RFC1: variants seen among roughly 807,000 people sequenced by gnomAD.
RFC1 encodes the protein replication factor C subunit 1, also known as A1 140 kDa subunit.
Under a neutral mutation model 137.4 loss-of-function variants are expected in RFC1, and 37 were observed. That is an observed-to-expected ratio of 0.27 (90% confidence interval 0.21 to 0.35). The LOEUF (loss-of-function observed/expected upper bound fraction) is 0.35. Ranked by LOEUF, RFC1 falls within the 10% of genes least tolerant of loss-of-function variation. RFC1 has a pLI of 1.00. For synonymous variants in RFC1, 429 were observed against 455.7 expected, an observed-to-expected ratio of 0.94 and a Z score of 0.75; for missense variants, 1,205 against 1,358.5, an observed-to-expected ratio of 0.89 and a Z score of 1.78.
intron 1 of RFC1, chr4:39,365,360 G>T: frequency 5.2e-5 from 33 of 632,034 alleles, no homozygotes; most frequent in Non-Finnish European, 6.5e-5. Context: ...ACCAATGATT[G>T]AAAAAAATTA....
chr4:39,352,449 C>G (rs1427956387), intron 1 of RFC1, among the ~76,000 whole-genome samples: 5 of 152,176 alleles, frequency 3.3e-5, no homozygotes, highest in Non-Finnish European at 7.3e-5. Flanking sequence ...TTTGCATAGT[C>G]TTCCCCACCT....
intron 14 of RFC1, among the ~76,000 whole-genome samples, chr4:39,305,975 T>C (rs547683293): frequency 6.6e-6 from 1 of 152,316 alleles, no homozygotes; most frequent in East Asian, 1.9e-4. Context: ...CAGCAGAGGA[T>C]TGAGAAATCC....
intron 1 of RFC1, among the ~76,000 whole-genome samples, chr4:39,361,384 TTCAA>T (rs911167647): frequency 7.2e-5 from 11 of 152,040 alleles, no homozygotes; most frequent in Admixed American, 2.6e-4. Context: ...GCGACTGCGT[TTCAA>T]TCAATCAATC....
chr4:39,308,250 C>G (rs1738784432), intron 13 of RFC1, among the ~76,000 whole-genome samples: 2 of 152,186 alleles, frequency 1.3e-5, no homozygotes, highest in Admixed American at 6.5e-5. Flanking sequence ...TCATCTCTCC[C>G]TCCCTTCACC....
chr4:39,289,411 CTGTACACAGCAGGCTGAT>C (rs1737544185), intron 24 of RFC1: 1 of 170,970 alleles, frequency 5.8e-6, no homozygotes, highest in Admixed American at 6.1e-5. Context: ...GCTCAGCCAG[CTGTACACAGCAGGCTGAT>C]ACCACAATTG....
rs138560030 is a variant in RFC1 at position 39,337,149 on chromosome 4, C to T, written c.331+5196G>A. 8.6e-3 allele frequency among the ~76,000 whole-genome samples: 1,303 copies of T among 152,116 alleles called. 25 individuals carry two copies. Among genetic ancestry groups the T allele is most frequent in the Admixed American group, 0.037 (558 of 15,270 alleles). ...CAGCACTTTGGGAGGCCGAGGCAGG[C>T]GGATCACCTGAGGTCGGGAGTTCGA... On this transcript the variant is annotated intron_variant, in intron 4 of 24. Transcript: ENST00000349703.
chr4:39,333,206 T>C (rs1740189704), intron 4 of RFC1, among the ~76,000 whole-genome samples: 1 of 152,188 alleles, frequency 6.6e-6, no homozygotes, highest in Non-Finnish European at 1.5e-5. Flanking sequence ...TATGACCCTA[T>C]GGGTAGCCAT....
Position 39,288,913 on chromosome 4 carries a change from A to G in RFC1, c.3361-69T>C, listed in dbSNP as rs1737515662. 16 of 980,262 alleles carry G rather than the reference A, an allele frequency of 1.6e-5. No homozygotes were observed. The South Asian group carries it at 2.0e-4, about 12-fold the overall frequency. The allele number at this position is 980,262 out of a possible 1,614,324, so 60.7% of individuals were successfully genotyped here. A position where few individuals can be genotyped will look rare whatever the true frequency, so the allele number is the denominator to read the frequency against. ...GAGTAAATGAAATAAGTTCATCTCT[A>G]TAACAAATCTAATCTTTACCTGCAA... is the stretch of plus-strand genomic sequence containing the variant. On this transcript the variant is annotated intron_variant, in intron 24 of 24. Coordinates refer to ENST00000349703, the MANE Select transcript of RFC1 (RefSeq NM_002913.5).
chr4:39,355,369 G>A (rs944034016), intron 1 of RFC1, among the ~76,000 whole-genome samples: 3 of 151,746 alleles, frequency 2.0e-5, no homozygotes, highest in Non-Finnish European at 4.4e-5. Flanking sequence ...GTTTGAGGCT[G>A]CAGTGAGCCA....
chr4:39,335,847 A>G lies in RFC1; in HGVS notation c.331+6498T>C, dbSNP rs183226987. Among the ~76,000 whole-genome samples, 273 of 152,340 alleles carry G rather than the reference A, an allele frequency of 1.8e-3. 2 individuals carry two copies. The highest frequency in any genetic ancestry group is 6.1e-3 in the African/African-American group (253 of 41,578). ...GCTGGTCTCAGTACGAAAGCCAAGT[A>G]TAAGTCATTTTGTATATTATTTTAT... On this transcript the variant is annotated intron_variant, in intron 4 of 24. Coordinates refer to ENST00000349703, the MANE Select transcript of RFC1 (RefSeq NM_002913.5).
intron 1 of RFC1, among the ~76,000 whole-genome samples, chr4:39,355,262 A>C (rs532873760): frequency 1.3e-5 from 2 of 151,544 alleles, no homozygotes; most frequent in South Asian, 2.1e-4. Context: ...CATCTCTACA[A>C]ATAAAAAAAA....
chr4:39,315,441 G>A (rs1275679234), intron 10 of RFC1, among the ~76,000 whole-genome samples: 1 of 152,152 alleles, frequency 6.6e-6, no homozygotes, highest in African/African-American at 2.4e-5. Flanking sequence ...TTCTTGTTCT[G>A]TACTAGTTTA....
chr4:39,350,969 T>C (rs1323766996), intron 2 of RFC1, among the ~76,000 whole-genome samples: 3 of 152,078 alleles, frequency 2.0e-5, no homozygotes, highest in Non-Finnish European at 4.4e-5. Flanking sequence ...ATGGAGTGAA[T>C]GGCTGGCACG....
chr4:39,311,089 C>T (rs1337062437), intron 12 of RFC1, among the ~76,000 whole-genome samples: 3 of 151,908 alleles, frequency 2.0e-5, no homozygotes, highest in Non-Finnish European at 4.4e-5. Context: ...TGCAGTGATC[C>T]GAGATCACAC....
rs17335306 is a variant in RFC1, at chr4:39,302,981, C to T, written c.2202+79G>A. 2,576 of 1,462,932 alleles carry T rather than the reference C, an allele frequency of 1.8e-3. 38 individuals are homozygous for T. In the African/African-American group the frequency reaches 0.03, roughly 17 times the overall value. The allele number at this position is 1,462,932 out of a possible 1,614,324, so 90.6% of individuals were successfully genotyped here. ...TCCTCAGCAACATGCCTTAACTGCC[C>T]TAAGTATGAGAGAATGACAATGTTC... is the stretch of plus-strand genomic sequence containing the variant. On this transcript the variant is annotated intron_variant, in intron 16 of 24. Coordinates refer to ENST00000349703, the MANE Select transcript of RFC1 (RefSeq NM_002913.5).
chr4:39,320,357 A>T (rs1444433985), intron 9 of RFC1, 26 bp downstream of exon 9: 1 of 1,452,262 alleles, frequency 6.9e-7, no homozygotes, highest in South Asian at 1.5e-5. Context: ...CTCAAAAAAA[A>T]AAAAAAAAAA....
At chr4:39,339,144 C>T (rs967411853) in intron 4 of RFC1, among the ~76,000 whole-genome samples, 1 of 152,056 alleles carries the variant, frequency 6.6e-6, no homozygotes, top group Non-Finnish European at 1.5e-5. Context: ...TTCATCCATC[C>T]ACCATGTGAC....
chr4:39,303,834 T>C lies in RFC1; in HGVS notation c.2111-683A>G, dbSNP rs185701545. 1.1e-4 allele frequency among the ~76,000 whole-genome samples: 17 copies of C among 152,334 alleles called. 1 individual carries two copies. The East Asian group carries it at 3.3e-3, about 29-fold the overall frequency. Reference sequence around the variant, plus strand: ...CACTTCATTTTTTAAGGCAATTTAATACTCCATTCTACACTTGTATCACAC... The same window carrying C: ...CACTTCATTTTTTAAGGCAATTTAACACTCCATTCTACACTTGTATCACAC... On this transcript the variant is annotated intron_variant, in intron 15 of 24. Coordinates refer to ENST00000349703, the MANE Select transcript of RFC1 (RefSeq NM_002913.5).
At chr4:39,299,072 A>C (rs1273841588) in intron 21 of RFC1, among the ~76,000 whole-genome samples, 1 of 152,254 alleles carries the variant, frequency 6.6e-6, no homozygotes, top group Admixed American at 6.5e-5. Flanking sequence ...TGGCCCGCCC[A>C]GGGCAGAAAA....
Sources: allele counts gnomAD v4.1 joint callset (sites outside exome capture counted in the v4.1 genomes callset), GRCh38; gene constraint gnomAD v4.1.1; transcripts MANE v1.5; gene names NCBI Gene and HGNC (gene_info 2026-07-23, HGNC 2026-07-21).